ZPBP: variants seen among roughly 807,000 people sequenced by gnomAD.
ZPBP encodes zona pellucida binding protein.
A neutral mutation model predicts 44.8 loss-of-function variants in ZPBP; 26 were observed. That is an observed-to-expected ratio of 0.58 (90% CI 0.43 to 0.81). ZPBP has a LOEUF of 0.81. ZPBP is among the 30% of genes least tolerant of loss of function. The pLI is 0.00. For synonymous variants in ZPBP, 174 were observed against 153.2 expected (o/e 1.14, Z -1.00); for missense variants, 409 against 434.0 (o/e 0.94, Z 0.51).
intron 6 of ZPBP, among the ~76,000 whole-genome samples, chr7:49,990,799 G>A (rs1797537339): frequency 6.6e-6 from 1 of 152,120 alleles, no homozygotes; most frequent in Non-Finnish European, 1.5e-5. Flanking sequence ...GAATAAATAT[G>A]ACTGGAACAG....
chr7:50,068,550 G>A (rs1011121539), intron 3 of ZPBP, among the ~76,000 whole-genome samples: 1 of 151,890 alleles, frequency 6.6e-6, no homozygotes, highest in Non-Finnish European at 1.5e-5. Context: ...GTCCAGACTA[G>A]CTTTTTCCAC....
intron 6 of ZPBP, among the ~76,000 whole-genome samples, chr7:49,990,308 C>T (rs192824263): frequency 9.9e-5 from 15 of 152,206 alleles, no homozygotes; most frequent in Non-Finnish European, 1.9e-4. Flanking sequence ...ATATTCCCAC[C>T]CCCTTGGGCA....
At chr7:50,055,595 C>T (rs1017486801) in intron 4 of ZPBP, among the ~76,000 whole-genome samples, 6 of 152,124 alleles carry the variant, frequency 3.9e-5, no homozygotes, top group Non-Finnish European at 5.9e-5. Context: ...CTTACATTTA[C>T]GAGACCAAAA....
At chr7:50,041,567 C>T (rs1800096864) in intron 4 of ZPBP, among the ~76,000 whole-genome samples, 1 of 152,120 alleles carries the variant, frequency 6.6e-6, no homozygotes, top group African/African-American at 2.4e-5. Context: ...AGCAGAAGGG[C>T]CTGTTAGAAG....
intron 7 of ZPBP, among the ~76,000 whole-genome samples, chr7:49,955,752 A>G (rs1316250018): frequency 6.6e-6 from 1 of 152,214 alleles, no homozygotes; most frequent in East Asian, 1.9e-4. Context: ...AAACTTAAAA[A>G]CAAAAAACAT....
chr7:49,981,629 AT>A (rs1796962157), intron 7 of ZPBP, among the ~76,000 whole-genome samples: 1 of 75,578 alleles, frequency 1.3e-5, no homozygotes, highest in Non-Finnish European at 2.2e-5. Flanking sequence ...ATATTATATT[AT>A]ATTATATATT....
At chr7:49,914,535 T>C (rs1329421643) in intron 1 of ZPBP, 1 of 152,184 alleles carries the variant, frequency 6.6e-6, no homozygotes, top group African/African-American at 2.4e-5. Flanking sequence ...TCTCTCCTCA[T>C]AGAAATAATG....
At chr7:49,977,943 A>T (rs1392124318) in intron 7 of ZPBP, among the ~76,000 whole-genome samples, 2 of 152,290 alleles carry the variant, frequency 1.3e-5, no homozygotes, top group East Asian at 3.9e-4. Flanking sequence ...GTTTTGAGAA[A>T]ATCTTCAGGA....
Position 49,937,619 on chromosome 7 carries a change from A to C in ZPBP, c.965T>G (p.Ile322Ser). 1.2e-6 allele frequency: 2 copies of C among 1,612,866 alleles called. No homozygotes were observed. The highest frequency in any genetic ancestry group is 2.2e-5 in the East Asian group (1 of 44,846). Reference sequence around the variant, plus strand: ...GGGGTTATATGATCCAGGGCTGCAGATCACTGTGAAAAAAGAGTAAGTTAA... The same window carrying C: ...GGGGTTATATGATCCAGGGCTGCAGCTCACTGTGAAAAAAGAGTAAGTTAA... Reference protein sequence around the residue: ...QHPKCPECCVICSPGSYNPRD... With the variant: ...QHPKCPECCVSCSPGSYNPRD... Residue 322 changes from isoleucine to serine, a missense_variant, in exon 8 of 8, where the codon ATC becomes AGC. By Grantham distance (142) the Ile-to-Ser change is moderately radical. Around this residue, in one of 2 missense-constraint regions of ZPBP, gnomAD observed 42 missense variants for 71.0 expected, o/e 0.59. Coordinates refer to ENST00000046087, the MANE Select transcript of ZPBP (RefSeq NM_007009.3).
chr7:50,086,568 T>C (rs1288349470), intron 2 of ZPBP, among the ~76,000 whole-genome samples: 2 of 151,948 alleles, frequency 1.3e-5, no homozygotes, highest in Middle Eastern at 3.4e-3. Flanking sequence ...ATAACTGAAA[T>C]GGGAAATTAA....
chr7:49,962,748 A>C (rs1795907941), intron 7 of ZPBP, among the ~76,000 whole-genome samples: 1 of 151,896 alleles, frequency 6.6e-6, no homozygotes, highest in African/African-American at 2.4e-5. Flanking sequence ...TCAAAAATAA[A>C]CTATTAGAAC....
At chr7:49,914,749 G>C (rs1172761641) in intron 1 of ZPBP, 1 of 152,086 alleles carries the variant, frequency 6.6e-6, no homozygotes, top group East Asian at 1.9e-4. Flanking sequence ...ACAACAAACT[G>C]TTCTATTCAA....
intron 1 of ZPBP, chr7:49,920,682 T>C (rs372086030): frequency 6.6e-4 from 100 of 152,042 alleles, no homozygotes; most frequent in African/African-American, 2.3e-3. Flanking sequence ...ATAGCATGAA[T>C]AAAACACATA....
chr7:49,915,920 A>G (rs1344139835), intron 1 of ZPBP: 1 of 152,122 alleles, frequency 6.6e-6, no homozygotes, highest in Non-Finnish European at 1.5e-5. Flanking sequence ...CTTACCTACT[A>G]TATTTTTTTT....
intron 7 of ZPBP, among the ~76,000 whole-genome samples, chr7:49,978,752 T>C (rs531595590): frequency 9.2e-5 from 14 of 152,212 alleles, no homozygotes; most frequent in African/African-American, 3.4e-4. Flanking sequence ...ACTAGTGTTA[T>C]CCTAATTTAA....
intron 2 of ZPBP, among the ~76,000 whole-genome samples, chr7:49,894,728 G>T (rs2128731989): frequency 6.6e-6 from 1 of 152,306 alleles, no homozygotes; most frequent in Admixed American, 6.5e-5. Context: ...AGGCTGTTTT[G>T]CTGGAGACAC....
chr7:49,980,330 TATA>T (rs928304938), intron 7 of ZPBP, among the ~76,000 whole-genome samples: 4 of 134,512 alleles, frequency 3.0e-5, no homozygotes, highest in Non-Finnish European at 6.1e-5. Context: ...ATATATAACA[TATA>T]TTATATAATA....
At chr7:49,957,127 T>G (rs1795636343) in intron 7 of ZPBP, among the ~76,000 whole-genome samples, 1 of 152,144 alleles carries the variant, frequency 6.6e-6, no homozygotes, top group South Asian at 2.1e-4. Flanking sequence ...TCTTTGCACT[T>G]CCATCATAAG....
intron 2 of ZPBP, among the ~76,000 whole-genome samples, chr7:49,891,335 A>C (rs1489921069): frequency 6.6e-6 from 1 of 152,220 alleles, no homozygotes; most frequent in African/African-American, 2.4e-5. Flanking sequence ...CTTTAAAGTA[A>C]AGCAAAATTG....
Sources: allele counts gnomAD v4.1 joint callset (sites outside exome capture counted in the v4.1 genomes callset), GRCh38; gene constraint gnomAD v4.1.1; regional missense constraint gnomAD v4.1.1; transcripts MANE v1.5; gene names NCBI Gene and HGNC (gene_info 2026-07-23, HGNC 2026-07-21).